ANKRD30A: variants seen among roughly 807,000 people sequenced by gnomAD.
ANKRD30A encodes ankyrin repeat domain 30A, also known as ankyrin repeat domain-containing protein 30A.
In ANKRD30A, 170 loss-of-function variants were observed where a neutral mutation model predicts 166.3. That is an observed-to-expected ratio of 1.02 (90% CI 0.90 to 1.16). The LOEUF is 1.16. Ranked by LOEUF, ANKRD30A falls within the 50% of genes most tolerant of loss-of-function variation. The pLI, the probability that ANKRD30A is intolerant of heterozygous loss-of-function variation, is 0.00. For synonymous variants in ANKRD30A, 564 were observed against 508.9 expected (o/e 1.11, Z -1.46); for missense variants, 1,630 against 1,518.0 (o/e 1.07, Z -1.23).
intron 1 of ANKRD30A, among the ~76,000 whole-genome samples, chr10:37,128,239 T>A (rs1203932908): frequency 6.6e-6 from 1 of 152,090 alleles, no homozygotes; most frequent in Non-Finnish European, 1.5e-5. Context: ...TTTTCCTTTT[T>A]ATTATCTTTG....
chr10:37,198,404 A>G (rs1054913252), intron 29 of ANKRD30A, among the ~76,000 whole-genome samples: 2 of 152,128 alleles, frequency 1.3e-5, no homozygotes, highest in African/African-American at 4.8e-5. Context: ...TACCATAGTT[A>G]ACTGCACAAT....
At chr10:37,202,758 A>C (rs564005819) in intron 31 of ANKRD30A, among the ~76,000 whole-genome samples, 1 of 152,304 alleles carries the variant, frequency 6.6e-6, no homozygotes, top group East Asian at 1.9e-4. Flanking sequence ...AATAAAGAAG[A>C]AAAGTGAGAA....
chr10:37,160,475 A>G (rs191516156), intron 15 of ANKRD30A, among the ~76,000 whole-genome samples: 4 of 152,296 alleles, frequency 2.6e-5, no homozygotes, highest in Non-Finnish European at 5.9e-5. Flanking sequence ...GTTGAACTTC[A>G]GAGATGCTCA....
At position 37,219,720 on chromosome 10, in the gene ANKRD30A, A is replaced by G. The variant is rs200460605; in HGVS notation, c.4008A>G (p.Gln1336=). ...LQSKNMWLQQ[Q]LVHAHKKADN... The stretch of plus-strand genomic sequence containing the variant: ...GCAAAAATATGTGGCTTCAACAGCA[A>G]TTAGTTCATGCACATAAGAAAGCTG... The change falls in exon 34 of 36, where the codon CAA becomes CAG. Residue 1336 remains glutamine, a synonymous_variant. Transcript: ENST00000361713. 80 of 1,609,370 alleles carry G rather than the reference A, an allele frequency of 5.0e-5. No homozygotes were observed. The Admixed American group carries it at 1.1e-3, about 22-fold the overall frequency.
At chr10:37,140,890 T>C (rs1210936094) in intron 6 of ANKRD30A, among the ~76,000 whole-genome samples, 1 of 152,142 alleles carries the variant, frequency 6.6e-6, no homozygotes, top group African/African-American at 2.4e-5. Flanking sequence ...AGAATACATA[T>C]AGTTTGGGTC....
At chr10:37,238,877 T>C in the ANKRD30A span, among the ~76,000 whole-genome samples, 1 of 152,144 alleles carries the variant, frequency 6.6e-6, no homozygotes, top group East Asian at 1.9e-4. Flanking sequence ...TAATGTGTAT[T>C]GTCACATTAT....
intron 29 of ANKRD30A, among the ~76,000 whole-genome samples, chr10:37,198,436 A>G (rs1042327331): frequency 6.6e-6 from 1 of 152,284 alleles, no homozygotes; most frequent in African/African-American, 2.4e-5. Context: ...TAAGTAATAA[A>G]TAAAAATGAA....
At chr10:37,265,058 G>A in the ANKRD30A span, among the ~76,000 whole-genome samples, 5 of 152,262 alleles carry the variant, frequency 3.3e-5, no homozygotes, top group Admixed American at 2.0e-4. Context: ...CCTCTGCTGA[G>A]TCATCTGTGG....
chr10:37,205,993 AT>A (rs1169914498), intron 31 of ANKRD30A, among the ~76,000 whole-genome samples: 1 of 152,188 alleles, frequency 6.6e-6, no homozygotes, highest in Non-Finnish European at 1.5e-5. Flanking sequence ...TTGATTTTAT[AT>A]CTGAGTATGT....
chr10:37,210,203 A>G (rs1331311351), intron 31 of ANKRD30A, among the ~76,000 whole-genome samples: 2 of 152,112 alleles, frequency 1.3e-5, no homozygotes, highest in Non-Finnish European at 2.9e-5. Context: ...ATGAGTGAGA[A>G]CATGCAGTGT....
chr10:37,148,314 A>G (rs932389899), intron 9 of ANKRD30A, among the ~76,000 whole-genome samples: 18 of 152,102 alleles, frequency 1.2e-4, no homozygotes, highest in Non-Finnish European at 2.2e-4. Context: ...ATTTCTGAGT[A>G]TGCTTTTAGC....
intron 31 of ANKRD30A, among the ~76,000 whole-genome samples, chr10:37,204,056 A>G (rs1341514488): frequency 6.6e-6 from 1 of 152,208 alleles, no homozygotes; most frequent in African/African-American, 2.4e-5. Context: ...GAAAATGGCC[A>G]TACTGCCCAA....
chr10:37,195,655 G>A (rs1841018948), intron 27 of ANKRD30A, among the ~76,000 whole-genome samples: 1 of 152,198 alleles, frequency 6.6e-6, no homozygotes. Flanking sequence ...AGCACGTTGG[G>A]AGGCCGTGAC....
the ANKRD30A span, among the ~76,000 whole-genome samples, chr10:37,237,627 G>A: frequency 6.6e-6 from 1 of 152,100 alleles, no homozygotes; most frequent in Non-Finnish European, 1.5e-5. Context: ...AGTCAGTGTA[G>A]TATTTACATA....
rs1324346745 is a variant in ANKRD30A at position 37,147,416 on chromosome 10, C to G, written c.1502C>G (p.Ser501Cys). The stretch of plus-strand genomic sequence containing the variant: ...AAGATTCAAGTGTGTATACCTGAGT[C>G]TATATATCAAAAAGTAATGGAGATA... ...SAKIQVCIPE[S>C]IYQKVMEINR... The change falls in exon 9 of 36, where the codon TCT becomes TGT. Residue 501 changes from serine (S) to cysteine (C), a missense_variant. This residue lies in a region of ANKRD30A where 904 missense variants were observed against 818.5 expected (regional missense o/e 1.10). Coordinates refer to ENST00000361713, the MANE Select transcript of ANKRD30A (RefSeq NM_052997.3). The G allele has an allele frequency of 6.3e-7, 1 of 1,593,854 alleles. No homozygotes were observed. Among genetic ancestry groups the G allele is most frequent in the Non-Finnish European group, 8.5e-7 (1 of 1,170,952 alleles).
At chr10:37,166,811 A>G in intron 19 of ANKRD30A, 116 bp downstream of exon 19, 3 of 1,417,632 alleles carry the variant, frequency 2.1e-6, no homozygotes, top group Non-Finnish European at 1.9e-6. Context: ...CCATGGAAAA[A>G]AAGAGAAGTG....
At chr10:37,216,479 T>A in intron 32 of ANKRD30A, 85 bp downstream of exon 32, 1 of 1,310,048 alleles carries the variant, frequency 7.6e-7, no homozygotes, top group Non-Finnish European at 1.0e-6. Context: ...TGACTTACCT[T>A]CTGAGGTTTT....
At chr10:37,252,689 T>C in the ANKRD30A span, among the ~76,000 whole-genome samples, 1 of 152,118 alleles carries the variant, frequency 6.6e-6, no homozygotes, top group Non-Finnish European at 1.5e-5. Flanking sequence ...ACAGTTTTTT[T>C]TTTTTTACTA....
At chr10:37,148,831 A>G (rs1456218859) in intron 9 of ANKRD30A, among the ~76,000 whole-genome samples, 1 of 152,126 alleles carries the variant, frequency 6.6e-6, no homozygotes, top group Non-Finnish European at 1.5e-5. Context: ...TCATTCCACA[A>G]AAATTTATTA....
Sources: gnomAD v4.1 joint callset for allele counts (sites outside exome capture counted in the v4.1 genomes callset) on GRCh38, gnomAD v4.1.1 for gene constraint, gnomAD v4.1.1 regional missense constraint, MANE v1.5 for transcripts, NCBI Gene and HGNC (gene_info 2026-07-23, HGNC 2026-07-21) for gene names.